Variants in ARHGEF3 observed in about 807,000 individuals in gnomAD.
ARHGEF3 encodes Rho guanine nucleotide exchange factor 3, also known as 59.8 kDA protein.
ARHGEF3 carries 28 observed loss-of-function variants against 63.2 expected under a neutral mutation model. The observed-to-expected ratio is 0.44, with a 90% CI of 0.33 to 0.61. The LOEUF is 0.61. ARHGEF3 is among the 20% of genes least tolerant of loss of function. The pLI is 0.03. For synonymous variants in ARHGEF3, 266 were observed against 254.2 expected (o/e 1.05, Z -0.44); for missense variants, 533 against 659.3 (o/e 0.81, Z 2.10).
intron 1 of ARHGEF3, among the ~76,000 whole-genome samples, chr3:56,781,542 G>A (rs1452785233): frequency 1.3e-5 from 2 of 151,906 alleles, no homozygotes; most frequent in Admixed American, 6.6e-5. Context: ...CACCACACCC[G>A]GCCTCTGCTG....
At chr3:57,060,130 G>C (rs1705141790) in intron 1 of ARHGEF3, among the ~76,000 whole-genome samples, 1 of 152,020 alleles carries the variant, frequency 6.6e-6, no homozygotes, top group African/African-American at 2.4e-5. Context: ...GAGCTGACTG[G>C]ACAACATAGC....
At chr3:56,820,062 G>T (rs2038421456) in intron 4 of ARHGEF3, among the ~76,000 whole-genome samples, 1 of 152,102 alleles carries the variant, frequency 6.6e-6, no homozygotes, top group Admixed American at 6.5e-5. Flanking sequence ...CTCTCCCCTT[G>T]ACCTCCCAAA....
chr3:56,762,884 T>A (rs1318314882), intron 2 of ARHGEF3, among the ~76,000 whole-genome samples: 1 of 152,176 alleles, frequency 6.6e-6, no homozygotes, highest in Non-Finnish European at 1.5e-5. Context: ...GAGGCTCCAT[T>A]ACAGAAATTA....
At chr3:57,039,704 C>T (rs1442843268) in intron 1 of ARHGEF3, among the ~76,000 whole-genome samples, 1 of 152,132 alleles carries the variant, frequency 6.6e-6, no homozygotes, top group East Asian at 1.9e-4. Context: ...TGTGGCTCCT[C>T]CTCTTGTTTT....
chr3:56,911,517 G>A (rs976672551), intron 3 of ARHGEF3, among the ~76,000 whole-genome samples: 2 of 152,082 alleles, frequency 1.3e-5, no homozygotes, highest in Admixed American at 1.3e-4. Flanking sequence ...TTTCTGTCCC[G>A]GTGAACAGCT....
chr3:56,880,064 G>A (rs1362152967), intron 4 of ARHGEF3, among the ~76,000 whole-genome samples: 1 of 152,168 alleles, frequency 6.6e-6, no homozygotes, highest in Admixed American at 6.5e-5. Context: ...CAGTTTTCAT[G>A]TTCCTCCAAC....
rs531051059 is a variant in ARHGEF3 at position 57,008,108 on chromosome 3, G to A, written c.62+26980C>T. Reference sequence around the variant, plus strand: ...GAGATCTCCAAAATATATTAACCGTGTAGATCCTTGGGCAGAAAATTCTCT... The same window carrying A: ...GAGATCTCCAAAATATATTAACCGTATAGATCCTTGGGCAGAAAATTCTCT... On this transcript the variant is annotated intron_variant, in intron 2 of 12. Transcript: ENST00000338458. Among the ~76,000 whole-genome samples, 4 of 152,236 alleles carry A rather than the reference G, an allele frequency of 2.6e-5. 1 individual carries two copies. In the South Asian group the frequency reaches 8.3e-4, roughly 32 times the overall value.
intron 1 of ARHGEF3, among the ~76,000 whole-genome samples, chr3:56,798,537 G>GTT (rs368922829): frequency 7.2e-6 from 1 of 139,254 alleles, no homozygotes; most frequent in African/African-American, 2.8e-5. Flanking sequence ...TCTTTACTTC[G>GTT]TTTTTTTTTT....
chr3:56,771,598 A>C (rs1350674601), intron 2 of ARHGEF3, among the ~76,000 whole-genome samples: 1 of 152,202 alleles, frequency 6.6e-6, no homozygotes, highest in Non-Finnish European at 1.5e-5. Context: ...CTAGCTCATT[A>C]CTGCCATGTG....
chr3:56,872,910 T>C (rs756747415), intron 4 of ARHGEF3, among the ~76,000 whole-genome samples: 3 of 152,242 alleles, frequency 2.0e-5, no homozygotes, highest in Admixed American at 6.5e-5. Flanking sequence ...TTTTGTATAA[T>C]AAAATCAATA....
rs201973275 is a variant in ARHGEF3 at position 56,737,173 on chromosome 3, G to A, written c.1041+12C>T. On this transcript the variant is annotated intron_variant, in intron 8 of 9. Coordinates refer to ENST00000296315, the MANE Select transcript of ARHGEF3 (RefSeq NM_019555.3). The stretch of plus-strand genomic sequence containing the variant: ...AGGCGGATAAGACTGCTTAAAGGGA[G>A]TAACTACTTACCACGCCCCGATTGT... 6.2e-7 allele frequency: 1 copy of A among 1,610,422 alleles called. No homozygotes were observed. Among genetic ancestry groups the A allele is most frequent in the Non-Finnish European group, 8.5e-7 (1 of 1,177,696 alleles).
At chr3:56,843,784 AG>A (rs2039394018) in intron 4 of ARHGEF3, among the ~76,000 whole-genome samples, 1 of 152,210 alleles carries the variant, frequency 6.6e-6, no homozygotes, top group East Asian at 1.9e-4. Context: ...ATATATAAGA[AG>A]AAGATTCCCT....
intron 4 of ARHGEF3, among the ~76,000 whole-genome samples, chr3:56,856,701 G>GTTT (rs11393443): frequency 3.8e-5 from 4 of 106,566 alleles, no homozygotes; most frequent in African/African-American, 9.0e-5. Flanking sequence ...ATCTTGAGAG[G>GTTT]TTTTTTGTTT....
At chr3:56,914,574 C>T (rs1382960949) in intron 3 of ARHGEF3, among the ~76,000 whole-genome samples, 2 of 152,074 alleles carry the variant, frequency 1.3e-5, no homozygotes, top group African/African-American at 2.4e-5. Flanking sequence ...GCAATAGTGT[C>T]GTATATTCAC....
At chr3:56,805,153 G>C (rs1267314920), upstream of ARHGEF3, among the ~76,000 whole-genome samples, 2 of 152,210 alleles carry the variant, frequency 1.3e-5, no homozygotes, top group African/African-American at 4.8e-5. Context: ...GGACTGGGTT[G>C]CTCATTGCAG....
chr3:56,859,387 C>G (rs1192790660), intron 4 of ARHGEF3, among the ~76,000 whole-genome samples: 1 of 152,024 alleles, frequency 6.6e-6, no homozygotes, highest in Non-Finnish European at 1.5e-5. Context: ...GATCCGCCTA[C>G]CTCGGCCTCC....
At chr3:56,978,093 C>T (rs1173551010) in intron 2 of ARHGEF3, among the ~76,000 whole-genome samples, 1 of 152,144 alleles carries the variant, frequency 6.6e-6, no homozygotes, top group African/African-American at 2.4e-5. Context: ...ACCCCAGGTG[C>T]GGTCACCCCC....
chr3:56,987,725 C>T (rs908394223), intron 2 of ARHGEF3, among the ~76,000 whole-genome samples: 5 of 152,158 alleles, frequency 3.3e-5, no homozygotes, highest in African/African-American at 1.2e-4. Context: ...CTCACTCCCC[C>T]TACCGTGCAC....
chr3:57,011,348 C>T (rs1407848238), intron 2 of ARHGEF3, among the ~76,000 whole-genome samples: 2 of 152,238 alleles, frequency 1.3e-5, no homozygotes, highest in East Asian at 3.8e-4. Context: ...ACACTGATGA[C>T]AGCAATCCAA....
Sources: gnomAD v4.1 joint callset for allele counts (sites outside exome capture counted in the v4.1 genomes callset) on GRCh38, gnomAD v4.1.1 for gene constraint, MANE v1.5 for transcripts, NCBI Gene and HGNC (gene_info 2026-07-23, HGNC 2026-07-21) for gene names.